Variants in CTNNA2 observed in about 807,000 individuals in gnomAD.
CTNNA2 encodes the protein catenin alpha 2, also known as catenin alpha-2.
CTNNA2 carries 42 observed loss-of-function variants against 101.0 expected under a neutral mutation model. The observed-to-expected ratio is 0.42, with a 90% CI of 0.32 to 0.54. The LOEUF (loss-of-function observed/expected upper bound fraction) is 0.54. CTNNA2 is among the 20% of genes least tolerant of loss of function. The pLI is 0.14. For synonymous variants in CTNNA2, 450 were observed against 456.4 expected (o/e 0.99, Z 0.18); for missense variants, 871 against 1,223.1 (o/e 0.71, Z 4.29).
At chr2:79,578,557 T>A (rs1272422310) in intron 1 of CTNNA2, among the ~76,000 whole-genome samples, 1 of 152,190 alleles carries the variant, frequency 6.6e-6, no homozygotes, top group Non-Finnish European at 1.5e-5. Context: ...TATTTTTTTC[T>A]GTATGGGTGA....
chr2:79,907,304 T>C (rs1326727610), intron 6 of CTNNA2, among the ~76,000 whole-genome samples: 2 of 151,474 alleles, frequency 1.3e-5, no homozygotes, highest in African/African-American at 4.9e-5. Flanking sequence ...ATATTATTTC[T>C]TAACGTATAT....
At chr2:79,876,141 A>G (rs2860383) in intron 6 of CTNNA2, among the ~76,000 whole-genome samples, 43,061 of 151,990 alleles carry the variant, frequency 0.28, 6,281 homozygotes, top group South Asian at 0.39. Context: ...ATCAGTTTTC[A>G]TAATGTTGAA....
chr2:79,796,925 C>T (rs1675754775), intron 3 of CTNNA2, among the ~76,000 whole-genome samples: 1 of 152,140 alleles, frequency 6.6e-6, no homozygotes, highest in Non-Finnish European at 1.5e-5. Context: ...ACTCATGAAG[C>T]TCAGTCTAGT....
chr2:79,349,001 A>G (rs1335270381), intron 3 of CTNNA2, among the ~76,000 whole-genome samples: 1 of 152,254 alleles, frequency 6.6e-6, no homozygotes, highest in African/African-American at 2.4e-5. Context: ...GTCAAAGATC[A>G]TGGAATATCA....
chr2:79,867,131 A>C (rs902510149), intron 4 of CTNNA2, among the ~76,000 whole-genome samples: 1 of 152,106 alleles, frequency 6.6e-6, no homozygotes, highest in African/African-American at 2.4e-5. Context: ...ATGAACAGTA[A>C]ATGTTTGAGA....
At chr2:79,755,344 T>C (rs1232113268) in intron 3 of CTNNA2, among the ~76,000 whole-genome samples, 2 of 152,022 alleles carry the variant, frequency 1.3e-5, no homozygotes, top group Non-Finnish European at 1.5e-5. Flanking sequence ...GTTTGAGTAA[T>C]GTAATAAAGT....
At chr2:79,966,209 G>T (rs1690045636) in intron 7 of CTNNA2, among the ~76,000 whole-genome samples, 1 of 151,768 alleles carries the variant, frequency 6.6e-6, no homozygotes, top group Non-Finnish European at 1.5e-5. Flanking sequence ...TGTTCTCCTT[G>T]CTTCCGTCTT....
intron 7 of CTNNA2, among the ~76,000 whole-genome samples, chr2:80,041,648 G>A (rs752123636): frequency 1.9e-4 from 29 of 152,080 alleles, no homozygotes; most frequent in Non-Finnish European, 3.1e-4. Context: ...TCCTGTCTTC[G>A]AAGAGGAATG....
intron 3 of CTNNA2, among the ~76,000 whole-genome samples, chr2:79,757,818 G>C (rs868430133): frequency 1.3e-5 from 2 of 152,304 alleles, no homozygotes; most frequent in Middle Eastern, 6.8e-3. Flanking sequence ...GTGTGTTCAT[G>C]AGTTCATTGG....
At chr2:80,251,239 A>G (rs1183433205) in intron 7 of CTNNA2, among the ~76,000 whole-genome samples, 1 of 152,162 alleles carries the variant, frequency 6.6e-6, no homozygotes, top group Non-Finnish European at 1.5e-5. Context: ...GGCACCCGGC[A>G]TGTTCCTTAA....
chr2:79,356,671 G>T (rs760781155), intron 3 of CTNNA2, among the ~76,000 whole-genome samples: 1 of 152,126 alleles, frequency 6.6e-6, no homozygotes, highest in Non-Finnish European at 1.5e-5. Flanking sequence ...TTCCTAATTG[G>T]CTAAAGTGAA....
chr2:79,385,602 G>C (rs1678090037), intron 4 of CTNNA2, among the ~76,000 whole-genome samples: 1 of 151,822 alleles, frequency 6.6e-6, no homozygotes, highest in African/African-American at 2.4e-5. Flanking sequence ...TGCCATGGTG[G>C]TTTACTGCAC....
intron 2 of CTNNA2, among the ~76,000 whole-genome samples, chr2:79,230,566 C>A (rs376582945): frequency 6.6e-6 from 1 of 152,252 alleles, no homozygotes; most frequent in East Asian, 1.9e-4. Flanking sequence ...TATGGCAGTG[C>A]GGAAGGGAAA....
At chr2:79,615,374 G>C (rs1266988030) in intron 1 of CTNNA2, among the ~76,000 whole-genome samples, 1 of 151,934 alleles carries the variant, frequency 6.6e-6, no homozygotes, top group Non-Finnish European at 1.5e-5. Flanking sequence ...ATTTAAATAT[G>C]ACTAAAAAAG....
At chr2:80,377,495 C>T (rs1676071056) in intron 7 of CTNNA2, among the ~76,000 whole-genome samples, 2 of 152,196 alleles carry the variant, frequency 1.3e-5, no homozygotes, top group Non-Finnish European at 2.9e-5. Context: ...ATTGCCCAGC[C>T]TCACACAGCT....
At chr2:79,417,197 G>T (rs1478506285) in intron 4 of CTNNA2, among the ~76,000 whole-genome samples, 1 of 152,058 alleles carries the variant, frequency 6.6e-6, no homozygotes, top group Non-Finnish European at 1.5e-5. Flanking sequence ...ACTACAATTT[G>T]GTGTTTAGGG....
At chr2:79,829,794 A>G (rs923493590) in intron 3 of CTNNA2, among the ~76,000 whole-genome samples, 2 of 151,230 alleles carry the variant, frequency 1.3e-5, no homozygotes, top group Admixed American at 1.3e-4. Context: ...ATCTCGGCTC[A>G]CTGCAAGCTC....
At chr2:79,273,906 C>A (rs567908247) in intron 2 of CTNNA2, among the ~76,000 whole-genome samples, 8 of 151,890 alleles carry the variant, frequency 5.3e-5, no homozygotes, top group Non-Finnish European at 1.2e-4. Flanking sequence ...TGTCACCTGA[C>A]CTGAGCCCTG....
At position 79,704,764 on chromosome 2, in the gene CTNNA2, C is replaced by T. The variant is rs530008724; in HGVS notation, c.103-39623C>T. Among the ~76,000 whole-genome samples, 22 of 152,118 alleles carry T rather than the reference C, an allele frequency of 1.4e-4. 1 individual carries two copies. In the South Asian group the frequency reaches 3.7e-3, roughly 26 times the overall value. Reference sequence around the variant, plus strand: ...TCCTGACCTCGTCATCCACCCGCCTCGGCCTCCCAAAGTGTTCACTTGTGC... The same window carrying T: ...TCCTGACCTCGTCATCCACCCGCCTTGGCCTCCCAAAGTGTTCACTTGTGC... On this transcript the variant is annotated intron_variant, in intron 2 of 18. Coordinates refer to ENST00000402739, the MANE Select transcript of CTNNA2 (RefSeq NM_001282597.3).
Sources: allele counts gnomAD v4.1 joint callset (sites outside exome capture counted in the v4.1 genomes callset), GRCh38; gene constraint gnomAD v4.1.1; transcripts MANE v1.5; gene names NCBI Gene and HGNC (gene_info 2026-07-23, HGNC 2026-07-21).